Variants in THEMIS observed in about 807,000 individuals in gnomAD.
THEMIS encodes the protein protein THEMIS.
A neutral mutation model predicts 52.6 loss-of-function variants in THEMIS; 37 were observed. The observed-to-expected ratio is 0.70, with a 90% CI of 0.54 to 0.93. The LOEUF is 0.93. Among genes scored for constraint, THEMIS ranks in the 40% least tolerant of loss-of-function variants. THEMIS has a pLI of 0.00. For missense variants in THEMIS, 808 were observed against 763.1 expected, an observed-to-expected ratio of 1.06 and a Z score of -0.69; for synonymous variants, 292 against 272.7, an observed-to-expected ratio of 1.07 and a Z score of -0.70.
At chr6:127,734,639 G>A (rs1774924497) in intron 4 of THEMIS, among the ~76,000 whole-genome samples, 1 of 151,804 alleles carries the variant, frequency 6.6e-6, no homozygotes, top group South Asian at 2.1e-4. Flanking sequence ...GGGAGGCCGA[G>A]GCAGGCCGAT....
intron 4 of THEMIS, among the ~76,000 whole-genome samples, chr6:127,793,890 C>T (rs1267769144): frequency 6.6e-6 from 1 of 152,168 alleles, no homozygotes; most frequent in Non-Finnish European, 1.5e-5. Context: ...AGGGCGAGAA[C>T]CATATTCTCC....
intron 4 of THEMIS, among the ~76,000 whole-genome samples, chr6:127,783,648 A>G (rs1425041529): frequency 6.6e-6 from 1 of 152,230 alleles, no homozygotes; most frequent in African/African-American, 2.4e-5. Context: ...CTCATCATCA[A>G]TGGTGATTAG....
intron 4 of THEMIS, among the ~76,000 whole-genome samples, chr6:127,743,625 G>T (rs1775282676): frequency 6.6e-6 from 1 of 152,072 alleles, no homozygotes; most frequent in African/African-American, 2.4e-5. Context: ...GCAGGCAGAT[G>T]CTGAATTCAA....
rs554344147 is a variant in THEMIS at position 127,764,347 on chromosome 6, C to T, written c.1759-44524G>A. Among the ~76,000 whole-genome samples the T allele has an allele frequency of 2.9e-3, 440 of 151,262 alleles. 2 individuals are homozygous for T. The highest frequency in any genetic ancestry group is 0.01 in the African/African-American group (417 of 41,176). On this transcript the variant is annotated intron_variant, in intron 4 of 5. Transcript: ENST00000368248. ...AGGCATTTTTTTTTTACTATAGTAA[C>T]GTCCATTTAATTTTGGTATAGAATT...
In THEMIS at chr6:127,855,091, A is replaced by G. The variant is rs1779573313; in HGVS notation, c.189T>C (p.Ile63=). 6.2e-7 allele frequency: 1 copy of G among 1,611,330 alleles called. No individual in the cohort carries two copies. The highest frequency in any genetic ancestry group is 1.3e-5 in the African/African-American group (1 of 74,720). The change falls in exon 2 of 6, where the codon ATT becomes ATC. Residue 63 remains isoleucine (I), a synonymous_variant. Transcript: ENST00000368248. ...GLKVKKIIAE[I]CEQIEGCESL... ...ACTCACAACCTTCAATCTGCTCACA[A>G]ATTTCAGCTATGATCTTCTTAACTT...
intron 3 of THEMIS, among the ~76,000 whole-genome samples, chr6:127,826,679 T>G (rs893064104): frequency 6.6e-6 from 1 of 152,148 alleles, no homozygotes; most frequent in Non-Finnish European, 1.5e-5. Context: ...GCTCACTCAA[T>G]TTTTTCATTT....
At chr6:127,823,627 T>C (rs1462765278) in intron 3 of THEMIS, among the ~76,000 whole-genome samples, 1 of 152,068 alleles carries the variant, frequency 6.6e-6, no homozygotes, top group South Asian at 2.1e-4. Context: ...TATAAACTAA[T>C]GAAAATTGTG....
downstream of THEMIS, among the ~76,000 whole-genome samples, chr6:127,704,818 C>T (rs75120158): frequency 5.3e-5 from 8 of 152,266 alleles, no homozygotes; most frequent in East Asian, 1.9e-4. Flanking sequence ...ACTTTTTATT[C>T]GGCTTACACT....
intron 4 of THEMIS, among the ~76,000 whole-genome samples, chr6:127,774,449 C>T (rs1562248716): frequency 6.6e-6 from 1 of 152,216 alleles, no homozygotes; most frequent in African/African-American, 2.4e-5. Flanking sequence ...CCATGATCCA[C>T]ATGTCTCGGC....
At chr6:127,791,740 A>G (rs972487312) in intron 4 of THEMIS, among the ~76,000 whole-genome samples, 7 of 151,828 alleles carry the variant, frequency 4.6e-5, no homozygotes, top group Non-Finnish European at 8.8e-5. Flanking sequence ...CTTAGCCCCC[A>G]CCTCACCCTC....
chr6:127,733,541 A>G (rs2114533439), intron 4 of THEMIS, among the ~76,000 whole-genome samples: 1 of 152,320 alleles, frequency 6.6e-6, no homozygotes, highest in Middle Eastern at 3.4e-3. Flanking sequence ...TCTGGAAAGT[A>G]AAAACAAGAT....
chr6:127,908,374 G>T (rs528511074), intron 1 of THEMIS, among the ~76,000 whole-genome samples: 1 of 152,110 alleles, frequency 6.6e-6, no homozygotes, highest in Non-Finnish European at 1.5e-5. Context: ...CCCAGGAAGA[G>T]TGTTCCTCAG....
chr6:127,907,337 A>ATTTGTTTTTTTTTTTT, intron 1 of THEMIS, among the ~76,000 whole-genome samples: 1 of 49,448 alleles, frequency 2.0e-5, no homozygotes, highest in Non-Finnish European at 3.7e-5. Flanking sequence ...TTAGGCTCGG[A>ATTTGTTTTTTTTTTTT]TTTTTTTTTT....
intron 1 of THEMIS, among the ~76,000 whole-genome samples, chr6:127,891,884 G>C (rs1193537296): frequency 6.6e-6 from 1 of 152,068 alleles, no homozygotes; most frequent in African/African-American, 2.4e-5. Context: ...TGTGCTCAAG[G>C]TACAGGGATA....
At chr6:127,753,052 A>T (rs1044249845) in intron 4 of THEMIS, among the ~76,000 whole-genome samples, 3 of 151,998 alleles carry the variant, frequency 2.0e-5, no homozygotes, top group Non-Finnish European at 4.4e-5. Flanking sequence ...TAATGGAATG[A>T]TGATTAAAAA....
At position 127,813,419 on chromosome 6, in the gene THEMIS, C is replaced by T. The variant is rs1259884368; in HGVS notation, c.1222G>A (p.Val408Met). Residue 408 changes from valine to methionine, a missense_variant, in exon 4 of 6, where the codon GTG (valine) becomes ATG (methionine). Physicochemically the swap from Val to Met is conservative, Grantham distance 21 (BLOSUM62 1). Transcript: ENST00000368248. ...ATTTTTTCACAGGCCAGAACATTCA[C>T]CACTTTTTTTATTCCCTCACAGAGG... ...EVLCEGIKKV[V>M]NVLACEKILK... is the part of the protein sequence containing the mutation. 6.2e-7 allele frequency: 1 copy of T among 1,613,942 alleles called. No homozygotes were observed.
At chr6:127,902,479 G>A (rs1272064406), upstream of THEMIS, among the ~76,000 whole-genome samples, 1 of 151,976 alleles carries the variant, frequency 6.6e-6, no homozygotes, top group African/African-American at 2.4e-5. Flanking sequence ...CACATACAGA[G>A]GGTCAGGGGA....
chr6:127,766,784 C>T (rs1776214332), intron 4 of THEMIS, among the ~76,000 whole-genome samples: 2 of 152,018 alleles, frequency 1.3e-5, no homozygotes, highest in Non-Finnish European at 2.9e-5. Flanking sequence ...AAAAATTGTA[C>T]ATCAATATAA....
chr6:127,900,721 G>A lies in THEMIS; in HGVS notation c.91+121C>T, dbSNP rs1781110369. On this transcript the variant is annotated intron_variant, in intron 1 of 5. Coordinates refer to ENST00000368248, the MANE Select transcript of THEMIS (RefSeq NM_001010923.3). ...GTTGGTCAGTTCATTACTTTCTTTT[G>A]TGATCGCCTTTCCTTTACCAGAACT... 3 of 838,912 alleles carry A rather than the reference G, an allele frequency of 3.6e-6. No individual in the cohort carries two copies. In the South Asian group the frequency reaches 4.7e-5, roughly 13 times the overall value. 52.0% of individuals were successfully genotyped at this position (838,912 alleles called of 1,614,324 possible).
Sources: allele counts gnomAD v4.1 joint callset (sites outside exome capture counted in the v4.1 genomes callset), GRCh38; gene constraint gnomAD v4.1.1; transcripts MANE v1.5; gene names NCBI Gene and HGNC (gene_info 2026-07-23, HGNC 2026-07-21).